KIAA1671: variants seen among roughly 807,000 people sequenced by gnomAD.
The protein encoded by KIAA1671 is uncharacterized protein KIAA1671.
In KIAA1671, 52 loss-of-function variants were observed where a neutral mutation model predicts 131.2. That is an observed-to-expected ratio of 0.40 (90% CI 0.32 to 0.50). The LOEUF (loss-of-function observed/expected upper bound fraction) is 0.50, where lower values mean the gene tolerates loss of function less well. Ranked by LOEUF, KIAA1671 falls within the 20% of genes least tolerant of loss-of-function variation. KIAA1671 has a pLI of 0.73. For missense variants in KIAA1671, 2,360 were observed against 2,364.2 expected (o/e 1.00, Z 0.04); for synonymous variants, 1,003 against 961.6 (o/e 1.04, Z -0.80).
chr22:25,052,113 C>T (rs1451749485), intron 6 of KIAA1671: 1 of 152,734 alleles, frequency 6.5e-6, no homozygotes, highest in Non-Finnish European at 1.5e-5. Flanking sequence ...GGCCTATGGC[C>T]AACCCCTGCC....
rs1426799020 is a variant in KIAA1671 at position 25,195,735 on chromosome 22, A to G, written c.*3334A>G. 1 of 151,942 alleles carries G rather than the reference A, an allele frequency of 6.6e-6. No homozygotes were observed. The highest frequency in any genetic ancestry group is 1.5e-5 in the Non-Finnish European group (1 of 68,002). 9.4% of individuals were successfully genotyped at this position (151,942 alleles called of 1,614,324 possible). A position where few individuals can be genotyped will look rare whatever the true frequency, so the allele number is the denominator to read the frequency against. ...CTGCTTTGTTGATCTATGCTTTAAA[A>G]TTTTTCTTTATAATGCCCCCAGATG... is the stretch of plus-strand genomic sequence containing the variant. On this transcript the variant is annotated 3_prime_UTR_variant, in exon 13 of 13. Transcript: ENST00000358431.
At chr22:25,076,947 T>A (rs540470665) in intron 6 of KIAA1671, among the ~76,000 whole-genome samples, 5 of 152,294 alleles carry the variant, frequency 3.3e-5, no homozygotes, top group Non-Finnish European at 7.4e-5. Flanking sequence ...AAAGGCTAGG[T>A]ATCTCCTCCA....
At position 25,177,405 on chromosome 22, in the gene KIAA1671, A is replaced by AGCC. The variant is rs1934071433; in HGVS notation, c.4965_4967dup (p.Arg1656dup). 6.4e-7 allele frequency: 1 copy of AGCC among 1,551,720 alleles called. No homozygotes were observed. The highest frequency in any genetic ancestry group is 8.7e-7 in the Non-Finnish European group (1 of 1,146,996). On this transcript the variant is annotated inframe_insertion, in exon 9 of 13. Coordinates refer to ENST00000358431, the MANE Select transcript of KIAA1671 (RefSeq NM_001145206.2). ...GACCCGGGTGCAGCTCAGCAAGAGA[A>AGCC]GCCGCCGCCGGGCCCCCATCTCCCA... is the stretch of plus-strand genomic sequence containing the variant.
intron 1 of KIAA1671, among the ~76,000 whole-genome samples, chr22:25,021,534 A>G (rs990904034): frequency 1.4e-3 from 111 of 81,426 alleles, no homozygotes; most frequent in Admixed American, 3.6e-3. Context: ...AGGGTTTTCT[A>G]TTTGTTTTGT....
chr22:25,082,951 T>C (rs746281137), intron 6 of KIAA1671, among the ~76,000 whole-genome samples: 54 of 152,366 alleles, frequency 3.5e-4, no homozygotes, highest in Non-Finnish European at 3.2e-4. Flanking sequence ...TTTATATTAA[T>C]AAAATATAGG....
intron 6 of KIAA1671, among the ~76,000 whole-genome samples, chr22:25,090,706 G>A (rs538389170): frequency 1.3e-4 from 20 of 152,182 alleles, no homozygotes; most frequent in Non-Finnish European, 2.5e-4. Flanking sequence ...TTGGGTACAC[G>A]TAGCACCTTC....
At chr22:25,019,317 TG>T (rs1422964483) in intron 1 of KIAA1671, among the ~76,000 whole-genome samples, 2 of 152,122 alleles carry the variant, frequency 1.3e-5, no homozygotes, top group Non-Finnish European at 1.5e-5. Context: ...CCTGCCTCTT[TG>T]GGATGGTAAA....
intron 1 of KIAA1671, among the ~76,000 whole-genome samples, chr22:25,020,335 G>A (rs1318353720): frequency 1.3e-5 from 2 of 152,216 alleles, no homozygotes; most frequent in Admixed American, 6.5e-5. Flanking sequence ...AACTCTTGAT[G>A]TGGGTCTCAA....
chr22:25,001,015 AT>A (rs1284477920), intron 1 of KIAA1671, among the ~76,000 whole-genome samples: 2 of 150,348 alleles, frequency 1.3e-5, no homozygotes, highest in Non-Finnish European at 3.0e-5. Context: ...TCACGTGGAG[AT>A]TTTTTTCTGT....
chr22:25,032,310 T>A (rs1704991020), intron 3 of KIAA1671, among the ~76,000 whole-genome samples: 1 of 152,214 alleles, frequency 6.6e-6, no homozygotes, highest in Non-Finnish European at 1.5e-5. Flanking sequence ...TAATTATCCC[T>A]GTTTTATAGA....
chr22:24,998,273 G>A (rs1244858697), intron 1 of KIAA1671, among the ~76,000 whole-genome samples: 1 of 152,044 alleles, frequency 6.6e-6, no homozygotes, highest in Admixed American at 6.6e-5. Flanking sequence ...AATTAGACGG[G>A]CATGGCAGCG....
intron 6 of KIAA1671, among the ~76,000 whole-genome samples, chr22:25,125,540 A>G (rs1932136728): frequency 6.6e-6 from 1 of 152,134 alleles, no homozygotes; most frequent in South Asian, 2.1e-4. Context: ...GAGAGGTACC[A>G]TGGTGTAGAA....
At chr22:25,188,053 C>T (rs1162717006) in intron 11 of KIAA1671, among the ~76,000 whole-genome samples, 1 of 152,198 alleles carries the variant, frequency 6.6e-6, no homozygotes, top group East Asian at 1.9e-4. Context: ...GTACTCCCAG[C>T]ACTTTGGGAG....
chr22:24,991,143 C>T (rs2123846959), intron 1 of KIAA1671, among the ~76,000 whole-genome samples: 1 of 152,272 alleles, frequency 6.6e-6, no homozygotes, highest in African/African-American at 2.4e-5. Flanking sequence ...CCTCAGCCTC[C>T]TGAGTAGCTG....
chr22:25,180,156 G>C (rs1447879182), intron 9 of KIAA1671, among the ~76,000 whole-genome samples: 3 of 151,600 alleles, frequency 2.0e-5, no homozygotes, highest in African/African-American at 7.3e-5. Flanking sequence ...GGATATGCTG[G>C]AAAGGTAGGC....
intron 6 of KIAA1671, among the ~76,000 whole-genome samples, chr22:25,094,603 A>T (rs1363848439): frequency 6.6e-6 from 1 of 152,210 alleles, no homozygotes; most frequent in African/African-American, 2.4e-5. Context: ...TTCCTCCAGC[A>T]GCCTCTCCAG....
chr22:24,956,221 A>G (rs1471548851), intron 1 of KIAA1671, among the ~76,000 whole-genome samples: 12 of 152,190 alleles, frequency 7.9e-5, no homozygotes, highest in African/African-American at 2.9e-4. Flanking sequence ...TACCTGGGGT[A>G]AGGAAACCCC....
At chr22:24,955,343 A>C (rs181081949) in intron 1 of KIAA1671, among the ~76,000 whole-genome samples, 3 of 152,152 alleles carry the variant, frequency 2.0e-5, no homozygotes, top group Admixed American at 6.5e-5. Context: ...GAACATATGC[A>C]TTTGTCTGGA....
intron 5 of KIAA1671, among the ~76,000 whole-genome samples, chr22:25,043,877 C>T (rs1396017498): frequency 6.6e-6 from 1 of 152,208 alleles, no homozygotes; most frequent in African/African-American, 2.4e-5. Context: ...ACAGATTCTT[C>T]CTTTGCCACT....
Sources: allele counts gnomAD v4.1 joint callset (sites outside exome capture counted in the v4.1 genomes callset), GRCh38; gene constraint gnomAD v4.1.1; transcripts MANE v1.5; gene names NCBI Gene and HGNC (gene_info 2026-07-23, HGNC 2026-07-21).